ZUP1: variants seen among roughly 807,000 people sequenced by gnomAD.
ZUP1 encodes zinc finger containing ubiquitin peptidase 1, also known as zinc finger-containing ubiquitin peptidase 1.
Under a neutral mutation model 68.1 loss-of-function variants are expected in ZUP1, and 55 were observed. The observed-to-expected ratio is 0.81, with a 90% CI of 0.65 to 1.01. The LOEUF (loss-of-function observed/expected upper bound fraction) is 1.01. Ranked by LOEUF, ZUP1 falls within the 50% of genes least tolerant of loss-of-function variation. The probability of loss-of-function intolerance (pLI) is 0.00; values close to 1 mark genes in which losing one functional copy is unlikely to be tolerated. For missense variants in ZUP1, 684 were observed against 674.9 expected, an observed-to-expected ratio of 1.01 and a Z score of -0.15; for synonymous variants, 223 against 221.5, an observed-to-expected ratio of 1.01 and a Z score of -0.06.
At chr6:116,639,998 C>T (rs1326682564) in intron 9 of ZUP1, among the ~76,000 whole-genome samples, 3 of 152,154 alleles carry the variant, frequency 2.0e-5, no homozygotes, top group African/African-American at 7.2e-5. Context: ...CTTAAAGGAG[C>T]TGATGGAGCT....
chr6:116,636,048 T>C (rs958518040), intron 9 of ZUP1, among the ~76,000 whole-genome samples, 169 bp from the exon 10 acceptor site: 4 of 152,138 alleles, frequency 2.6e-5, no homozygotes, highest in Admixed American at 6.5e-5. Context: ...AATAAACATT[T>C]TTCCAGCCAA....
At position 116,660,863 on chromosome 6, in the gene ZUP1, ATTAAG is replaced by A. The variant is rs1194796470; in HGVS notation, c.560-22_560-18del. The A allele has an allele frequency of 2.2e-6, 3 of 1,340,190 alleles. No homozygotes were observed. Among genetic ancestry groups the A allele is most frequent in the Admixed American group, 2.3e-5 (1 of 43,528 alleles). The allele number at this position is 1,340,190 out of a possible 1,614,324, so 83.0% of individuals were successfully genotyped here. ...GATCACAGTCTGTATCAGAGATATAATTAAGTTGTTTTTATTTTTTTATTTTAATT... is the reference window on the plus strand; with the variant it reads ...GATCACAGTCTGTATCAGAGATATAATTGTTTTTATTTTTTTATTTTAATT... On this transcript the variant is annotated intron_variant, in intron 2 of 9. Coordinates refer to ENST00000368576, the MANE Select transcript of ZUP1 (RefSeq NM_145062.3).
chr6:116,647,296 T>C (rs1583366607), intron 8 of ZUP1, among the ~76,000 whole-genome samples, 163 bp downstream of exon 8: 1 of 152,054 alleles, frequency 6.6e-6, no homozygotes, highest in East Asian at 1.9e-4. Context: ...AAGGTGGAGG[T>C]TGCAGCGAGC....
Position 116,651,726 on chromosome 6 carries a change from G to A in ZUP1, c.1162C>T (p.Pro388Ser), listed in dbSNP as rs1583370685. The A allele has an allele frequency of 6.2e-7, 1 of 1,613,094 alleles. No individual in the cohort carries two copies. The highest frequency in any genetic ancestry group is 8.5e-7 in the Non-Finnish European group (1 of 1,179,676). ...ATAGATTGAATTTTTGGAATGCAAG[G>A]AATCAACATACCTAAAATTACACAA... is the stretch of plus-strand genomic sequence containing the variant. The part of the protein sequence containing the change: ...YNDCLKGMLI[P>S]CIPKIQSMIE... Residue 388 changes from proline to serine, a missense_variant, in exon 7 of 10, where the codon CCT becomes TCT. Transcript: ENST00000368576.
At chr6:116,638,001 G>A (rs1398215953) in intron 9 of ZUP1, among the ~76,000 whole-genome samples, 2 of 151,284 alleles carry the variant, frequency 1.3e-5, no homozygotes, top group Admixed American at 6.6e-5. Flanking sequence ...GGGAGGCAGA[G>A]GTTGCAGTGG....
intron 9 of ZUP1, among the ~76,000 whole-genome samples, chr6:116,643,169 C>CG (rs1402464587): frequency 2.0e-5 from 3 of 151,990 alleles, no homozygotes. Flanking sequence ...TACAAACCAC[C>CG]GCTCAATGAA....
intron 6 of ZUP1, 111 bp from the exon 7 acceptor site, chr6:116,651,848 T>C (rs944846507): frequency 1.4e-6 from 2 of 1,415,536 alleles, no homozygotes; most frequent in Non-Finnish European, 1.9e-6. Context: ...CAGTTATTCC[T>C]GACATCTTCT....
At position 116,635,852 on chromosome 6, in the gene ZUP1, T is replaced by A. The variant is rs78669060; in HGVS notation, c.1717A>T (p.Thr573Ser). 15 of 1,600,020 alleles carry A rather than the reference T, an allele frequency of 9.4e-6. No homozygotes were observed. The highest frequency in any genetic ancestry group is 1.3e-5 in the Non-Finnish European group (15 of 1,175,572). ...LARRQASQVF[T>S]AEKIP is the part of the protein sequence containing the mutation. ...ATTCTTCAAGGAATCTTCTCGGCTG[T>A]AAAGACTTGAGAAGCTTGTCTCCTG... The change falls in exon 10 of 10, where the codon ACA (threonine) becomes TCA (serine). Residue 573 changes from threonine to serine, a missense_variant. By Grantham distance (58) the Thr-to-Ser change is moderately conservative. Coordinates refer to ENST00000368576, the MANE Select transcript of ZUP1 (RefSeq NM_145062.3).
At chr6:116,647,846 C>T (rs1776360218) in intron 7 of ZUP1, among the ~76,000 whole-genome samples, 1 of 152,076 alleles carries the variant, frequency 6.6e-6, no homozygotes. Flanking sequence ...CTCTAACTAG[C>T]TAACTATTTA....
chr6:116,659,114 A>C (rs1487376129), intron 3 of ZUP1, among the ~76,000 whole-genome samples, 190 bp from the exon 4 acceptor site: 1 of 152,142 alleles, frequency 6.6e-6, no homozygotes, highest in African/African-American at 2.4e-5. Context: ...CTCCATCTAA[A>C]TGACAACTAA....
intron 5 of ZUP1, among the ~76,000 whole-genome samples, chr6:116,654,514 A>T (rs557560912): frequency 3.9e-4 from 60 of 151,992 alleles, no homozygotes; most frequent in Non-Finnish European, 7.1e-4. Context: ...TATATTTGTG[A>T]TCTTAAAGAT....
chr6:116,663,013 T>C (rs1408743358), intron 2 of ZUP1, among the ~76,000 whole-genome samples: 1 of 152,158 alleles, frequency 6.6e-6, no homozygotes, highest in Non-Finnish European at 1.5e-5. Context: ...TCCATAGAAA[T>C]AGTTCTATGC....
intron 9 of ZUP1, among the ~76,000 whole-genome samples, chr6:116,638,155 G>C (rs923107684): frequency 1.3e-5 from 2 of 151,204 alleles, no homozygotes; most frequent in African/African-American, 2.4e-5. Context: ...AAAACTTACA[G>C]TCCTTTCCCC....
chr6:116,654,868 G>A (rs778629863), intron 5 of ZUP1, among the ~76,000 whole-genome samples: 3 of 152,050 alleles, frequency 2.0e-5, no homozygotes, highest in African/African-American at 4.8e-5. Context: ...ATTTAAAAGT[G>A]TCACCATACT....
intron 5 of ZUP1, among the ~76,000 whole-genome samples, chr6:116,652,562 TA>T (rs1231496087): frequency 1.3e-5 from 2 of 152,160 alleles, no homozygotes; most frequent in Non-Finnish European, 2.9e-5. Context: ...CTATTACCAA[TA>T]GTTTTAATTT....
chr6:116,666,556 T>G, intron 2 of ZUP1, 78 bp downstream of exon 2: 1 of 1,324,372 alleles, frequency 7.6e-7, no homozygotes, highest in Non-Finnish European at 1.0e-6. Context: ...GTAAGCTGAC[T>G]TACAAACCAA....
rs1776812385 is a variant in ZUP1 at position 116,660,811 on chromosome 6, C to T, written c.595G>A (p.Gly199Arg). 1 of 1,607,420 alleles carries T rather than the reference C, an allele frequency of 6.2e-7. No homozygotes were observed. The highest frequency in any genetic ancestry group is 8.5e-7 in the Non-Finnish European group (1 of 1,175,652). Residue 199 changes from glycine to arginine, a missense_variant, in exon 3 of 10, where the codon GGG (glycine) becomes AGG (arginine). Transcript: ENST00000368576. ...DQPLYDCPMCGLICTNYHILQ... is the reference protein window; with the variant it reads ...DQPLYDCPMCRLICTNYHILQ... The stretch of plus-strand genomic sequence containing the variant: ...ATATGGTAATTTGTACATATGAGCC[C>T]ACACATAGGACAATCATAGAGTGGT...
chr6:116,656,985 G>C (rs1190188729), intron 4 of ZUP1, 133 bp from the exon 5 acceptor site: 1 of 547,552 alleles, frequency 1.8e-6, no homozygotes, highest in African/African-American at 2.0e-5. Context: ...TTAACTTAAA[G>C]ATTTTTACAA....
At chr6:116,636,650 T>A (rs941321403) in intron 9 of ZUP1, among the ~76,000 whole-genome samples, 7 of 152,090 alleles carry the variant, frequency 4.6e-5, no homozygotes, top group African/African-American at 1.4e-4. Context: ...TTAAAAAAAA[T>A]TTTTGAAAAC....
Sources: allele counts gnomAD v4.1 joint callset (sites outside exome capture counted in the v4.1 genomes callset), GRCh38; gene constraint gnomAD v4.1.1; transcripts MANE v1.5; gene names NCBI Gene and HGNC (gene_info 2026-07-23, HGNC 2026-07-21).